The following SERGEF variants were observed in gnomAD, a reference collection of about 807,000 sequenced individuals.
The protein encoded by SERGEF is secretion regulating guanine nucleotide exchange factor, also known as secretion-regulating guanine nucleotide exchange factor.
Under a neutral mutation model 50.0 loss-of-function variants are expected in SERGEF, and 51 were observed. That is an observed-to-expected ratio of 1.02 (90% CI 0.81 to 1.29). The LOEUF (loss-of-function observed/expected upper bound fraction) is 1.29. Ranked by LOEUF, SERGEF falls within the 50% of genes most tolerant of loss-of-function variation. The probability of loss-of-function intolerance (pLI) is 0.00; values close to 1 mark genes in which losing one functional copy is unlikely to be tolerated. For synonymous variants in SERGEF, 205 were observed against 212.4 expected (o/e 0.97, Z 0.30); for missense variants, 521 against 557.0 (o/e 0.94, Z 0.65).
At chr11:17,918,091 A>G (rs1043228198) in intron 9 of SERGEF, among the ~76,000 whole-genome samples, 1 of 152,170 alleles carries the variant, frequency 6.6e-6, no homozygotes, top group African/African-American at 2.4e-5. Flanking sequence ...GCTGAAGGTC[A>G]CAAGCTAAGA....
intron 9 of SERGEF, 69 bp from the exon 10 acceptor site, chr11:17,878,313 C>G: frequency 7.9e-7 from 1 of 1,262,334 alleles, no homozygotes; most frequent in Non-Finnish European, 1.1e-6. Flanking sequence ...AATCATAGTT[C>G]TTTTCTAATG....
chr11:17,823,579 T>G (rs1265731667), intron 10 of SERGEF, among the ~76,000 whole-genome samples: 2 of 152,042 alleles, frequency 1.3e-5, no homozygotes, highest in East Asian at 3.9e-4. Context: ...GGCAAGGTAT[T>G]GGCAAACGGG....
chr11:17,816,278 C>T (rs932756211), intron 10 of SERGEF, among the ~76,000 whole-genome samples: 25 of 152,120 alleles, frequency 1.6e-4, no homozygotes, highest in African/African-American at 5.8e-4. Context: ...TTCCTCAGTT[C>T]CCATTAGTGC....
chr11:17,973,288 C>T (rs1853291242), intron 8 of SERGEF, among the ~76,000 whole-genome samples: 4 of 152,212 alleles, frequency 2.6e-5, no homozygotes, highest in Admixed American at 1.3e-4. Context: ...CAGGGACAGA[C>T]AGAACATACA....
chr11:17,844,540 C>A (rs1424829156), intron 10 of SERGEF, among the ~76,000 whole-genome samples: 1 of 152,106 alleles, frequency 6.6e-6, no homozygotes, highest in Non-Finnish European at 1.5e-5. Context: ...GTACTGGTTC[C>A]CAGACTGTGA....
At chr11:17,830,134 G>A (rs995537560) in intron 10 of SERGEF, among the ~76,000 whole-genome samples, 1 of 152,214 alleles carries the variant, frequency 6.6e-6, no homozygotes, top group Admixed American at 6.5e-5. Context: ...CCTGGGGCCA[G>A]TGCTTATCAC....
intron 3 of SERGEF, among the ~76,000 whole-genome samples, chr11:18,006,267 G>A (rs780602881): frequency 5.9e-5 from 9 of 152,066 alleles, no homozygotes; most frequent in South Asian, 4.1e-4. Context: ...CAAGTGATTC[G>A]CCTGCCTCGG....
At chr11:17,976,557 C>A (rs897054230) in intron 8 of SERGEF, among the ~76,000 whole-genome samples, 1 of 151,326 alleles carries the variant, frequency 6.6e-6, no homozygotes, top group African/African-American at 2.4e-5. Context: ...GCCTTGGCCT[C>A]CCAAAGTGCT....
intron 9 of SERGEF, among the ~76,000 whole-genome samples, chr11:17,936,440 G>A (rs569416252): frequency 1.3e-4 from 20 of 152,150 alleles, no homozygotes; most frequent in Non-Finnish European, 1.2e-4. Flanking sequence ...TCAGCATTAC[G>A]ATTTGAATCC....
intron 9 of SERGEF, among the ~76,000 whole-genome samples, chr11:17,957,882 T>C (rs1852908798): frequency 6.6e-6 from 1 of 152,086 alleles, no homozygotes; most frequent in South Asian, 2.1e-4. Context: ...AAACAAAGCA[T>C]CTGTGATAAA....
chr11:17,918,560 T>C (rs779732094), intron 9 of SERGEF: 6 of 281,804 alleles, frequency 2.1e-5, no homozygotes, highest in Non-Finnish European at 2.8e-5. Flanking sequence ...TGCCAGGTGC[T>C]GTAGGTGAAA....
At chr11:17,830,399 C>T (rs917048787) in intron 10 of SERGEF, among the ~76,000 whole-genome samples, 3 of 152,166 alleles carry the variant, frequency 2.0e-5, no homozygotes, top group African/African-American at 7.2e-5. Context: ...AACAGAATAG[C>T]ACAGACTGGA....
intron 9 of SERGEF, among the ~76,000 whole-genome samples, chr11:17,903,636 A>T (rs938534376): frequency 1.3e-5 from 2 of 152,268 alleles, no homozygotes; most frequent in Non-Finnish European, 2.9e-5. Flanking sequence ...AGACATTTCC[A>T]GAGCAGAGCT....
intron 9 of SERGEF, among the ~76,000 whole-genome samples, chr11:17,896,575 G>C: frequency 2.3e-5 from 1 of 43,114 alleles, no homozygotes; most frequent in Non-Finnish European, 4.3e-5. Context: ...GGAAGGGGAA[G>C]GGAAGGGAAG....
At chr11:17,873,069 T>A (rs1001699355) in intron 10 of SERGEF, among the ~76,000 whole-genome samples, 5 of 152,162 alleles carry the variant, frequency 3.3e-5, no homozygotes, top group Non-Finnish European at 7.3e-5. Context: ...GAGTTTTTCA[T>A]CTTAAATACT....
At chr11:17,890,444 CTGTG>C (rs148597195) in intron 9 of SERGEF, among the ~76,000 whole-genome samples, 39 of 151,710 alleles carry the variant, frequency 2.6e-4, no homozygotes, top group African/African-American at 7.2e-4. Flanking sequence ...AAAAGTAGGG[CTGTG>C]TGTGTGTGTG....
Position 17,846,511 on chromosome 11 carries a change from C to A in SERGEF, c.1048+31697G>T, listed in dbSNP as rs149326892. 1.1e-5 allele frequency: 4 copies of A among 361,062 alleles called. No individual in the cohort carries two copies. In the Admixed American group the frequency reaches 1.4e-4, roughly 13 times the overall value. The allele number at this position is 361,062 out of a possible 1,614,324, so 22.4% of individuals were successfully genotyped here. A position where few individuals can be genotyped will look rare whatever the true frequency, so the allele number is the denominator to read the frequency against. On this transcript the variant is annotated intron_variant, in intron 10 of 10. Coordinates refer to ENST00000265965, the MANE Select transcript of SERGEF (RefSeq NM_012139.4). ...TTCAGATAAGTTCAGATGGAGAACA[C>A]CATCTTTGTATTTTTTTTTCTCTGA...
chr11:17,821,284 T>C (rs1850077832), intron 10 of SERGEF, among the ~76,000 whole-genome samples: 1 of 152,224 alleles, frequency 6.6e-6, no homozygotes. Context: ...TACTTTATTA[T>C]GGGAGACTAA....
chr11:17,902,189 AG>A (rs1277267580), intron 9 of SERGEF, among the ~76,000 whole-genome samples: 1 of 82,412 alleles, frequency 1.2e-5, no homozygotes, highest in African/African-American at 6.0e-5. Flanking sequence ...AGACAGGAGT[AG>A]TCCACTTTGA....
Sources: allele counts gnomAD v4.1 joint callset (sites outside exome capture counted in the v4.1 genomes callset), GRCh38; gene constraint gnomAD v4.1.1; transcripts MANE v1.5; gene names NCBI Gene and HGNC (gene_info 2026-07-23, HGNC 2026-07-21).